AGO2: variants seen among roughly 807,000 people sequenced by gnomAD.
The protein encoded by AGO2 is argonaute RISC catalytic component 2, also known as protein argonaute-2.
A neutral mutation model predicts 102.3 loss-of-function variants in AGO2; 5 were observed. That is an observed-to-expected ratio of 0.05 (90% confidence interval 0.03 to 0.10). AGO2 has a LOEUF of 0.10. Among genes scored for constraint, AGO2 ranks in the 10% least tolerant of loss-of-function variants. AGO2 has a pLI of 1.00. For missense variants in AGO2, 541 were observed against 1,183.7 expected (o/e 0.46, Z 7.97); for synonymous variants, 449 against 473.1 (o/e 0.95, Z 0.66).
Position 140,572,806 on chromosome 8 carries a change from G to A in AGO2, c.336+6C>T. On this transcript the variant is annotated splice_donor_region_variant and intron_variant, in intron 3 of 18. Coordinates refer to ENST00000220592, the MANE Select transcript of AGO2 (RefSeq NM_012154.5). ...TACTCCACCAAGGGCATCCCGGCGA[G>A]CTTACCTTGTCCCTCCCAATCGGAA... The A allele has an allele frequency of 6.2e-7, 1 of 1,608,884 alleles. No homozygotes were observed. The highest frequency in any genetic ancestry group is 8.5e-7 in the Non-Finnish European group (1 of 1,178,370).
the AGO2 span, among the ~76,000 whole-genome samples, chr8:140,640,917 G>A: frequency 6.6e-6 from 1 of 152,192 alleles, no homozygotes; most frequent in Non-Finnish European, 1.5e-5. Flanking sequence ...TCATCCCAAT[G>A]CATCTTCTAC....
chr8:140,535,320 CAGCCTGGGCT>C (rs1438196372), intron 17 of AGO2, 138 bp downstream of exon 17: 1 of 796,472 alleles, frequency 1.3e-6, no homozygotes, highest in East Asian at 2.7e-5. Flanking sequence ...GCGCCTGGCA[CAGCCTGGGCT>C]CCCCGGTTCC....
intron 1 of AGO2, among the ~76,000 whole-genome samples, chr8:140,603,319 GATGAT>G (rs1441541848): frequency 6.6e-6 from 1 of 152,240 alleles, no homozygotes; most frequent in Admixed American, 6.5e-5. Context: ...GCGGAGCTGG[GATGAT>G]AAGTGTGCAA....
chr8:140,541,368 C>G lies in AGO2; in HGVS notation c.1840-10G>C, dbSNP rs1190441880. 1 of 1,594,198 alleles carries G rather than the reference C, an allele frequency of 6.3e-7. No individual in the cohort carries two copies. The highest frequency in any genetic ancestry group is 8.5e-7 in the Non-Finnish European group (1 of 1,172,306). ...CCATGCTGCCCACCACCTGCAGGAACAGGCAGTGAGTGTGGTCAGGGGTTC... is the reference window on the plus strand; with the variant it reads ...CCATGCTGCCCACCACCTGCAGGAAGAGGCAGTGAGTGTGGTCAGGGGTTC... On this transcript the variant is annotated splice_polypyrimidine_tract_variant and intron_variant, in intron 14 of 18. Coordinates refer to ENST00000220592, the MANE Select transcript of AGO2 (RefSeq NM_012154.5).
At chr8:140,599,440 G>A (rs147181690) in intron 1 of AGO2, among the ~76,000 whole-genome samples, 133 of 152,270 alleles carry the variant, frequency 8.7e-4, no homozygotes, top group African/African-American at 3.1e-3. Context: ...TGATGAAGAC[G>A]AAGCCTGCCC....
At position 140,533,914 on chromosome 8, in the gene AGO2, G is replaced by A. The variant is rs540291851; in HGVS notation, c.2272-1299C>T. Among the ~76,000 whole-genome samples, 13 of 152,292 alleles carry A rather than the reference G, an allele frequency of 8.5e-5. No homozygotes were observed. In the East Asian group the frequency reaches 2.5e-3, roughly 29 times the overall value. ...CACCTCCTGCGGTTGGAGATCCTTT[G>A]AAATGAAAGCAGCACCAGCTGCTGA... On this transcript the variant is annotated intron_variant, in intron 17 of 18. Coordinates refer to ENST00000220592, the MANE Select transcript of AGO2 (RefSeq NM_012154.5).
intron 1 of AGO2, among the ~76,000 whole-genome samples, chr8:140,624,221 CTG>C (rs1237608599): frequency 6.6e-6 from 1 of 152,152 alleles, no homozygotes; most frequent in Non-Finnish European, 1.5e-5. Flanking sequence ...TCTGCCCCCT[CTG>C]GAGCCCTGCC....
rs763535557 is a variant in AGO2, at chr8:140,532,653, T to C, written c.2272-38A>G. 16 of 1,581,190 alleles carry C rather than the reference T, an allele frequency of 1.0e-5. No individual in the cohort carries two copies. The African/African-American group carries it at 1.9e-4, about 19-fold the overall frequency. Reference sequence around the variant, plus strand: ...AGAAGATTAGACAGTTGGACTCGCATAAAATCTTTAAAAGGATACTGTGGA... The same window carrying C: ...AGAAGATTAGACAGTTGGACTCGCACAAAATCTTTAAAAGGATACTGTGGA... On this transcript the variant is annotated intron_variant, in intron 17 of 18. Transcript: ENST00000220592.
intron 1 of AGO2, chr8:140,591,853 C>T (rs1329415214): frequency 6.6e-6 from 1 of 151,744 alleles, no homozygotes; most frequent in Non-Finnish European, 1.5e-5. Context: ...GGCACAGTGG[C>T]TCAAGCCTGT....
chr8:140,581,520 A>C (rs2073556920), intron 2 of AGO2, among the ~76,000 whole-genome samples: 1 of 144,960 alleles, frequency 6.9e-6, no homozygotes, highest in African/African-American at 2.5e-5. Context: ...TCCTGTCTCT[A>C]AAAAAAAAAA....
Position 140,539,095 on chromosome 8 carries a change from C to A in AGO2, c.2169+225G>T, listed in dbSNP as rs2072747895. Among the ~76,000 whole-genome samples, 2 of 152,036 alleles carry A rather than the reference C, an allele frequency of 1.3e-5. No homozygotes were observed. The highest frequency in any genetic ancestry group is 6.6e-5 in the Admixed American group (1 of 15,262). On this transcript the variant is annotated intron_variant, in intron 16 of 18. Transcript: ENST00000220592. The surrounding 1 kb of genome is among the most constrained non-coding windows in gnomAD (Gnocchi z 4.7). ...TCTAGCCTGGGTGACAGAGCCAGAC[C>A]CCATCTTAAAACCCTCCAAAACAAC...
chr8:140,587,458 T>G (rs2073676420), intron 1 of AGO2, among the ~76,000 whole-genome samples: 1 of 152,262 alleles, frequency 6.6e-6, no homozygotes, highest in Non-Finnish European at 1.5e-5. Context: ...AGGACGCCTC[T>G]GCAGGCCTTA....
At chr8:140,610,792 A>G (rs2074065820) in intron 1 of AGO2, among the ~76,000 whole-genome samples, 1 of 152,234 alleles carries the variant, frequency 6.6e-6, no homozygotes, top group Non-Finnish European at 1.5e-5. Context: ...TCAAAGCAAC[A>G]GTCCATCCAA....
At chr8:140,592,514 T>C (rs2073759409) in intron 1 of AGO2, 1 of 152,216 alleles carries the variant, frequency 6.6e-6, no homozygotes, top group South Asian at 2.1e-4. Flanking sequence ...AAGAATATCT[T>C]CTTGTTACAC....
At chr8:140,600,263 G>A (rs1426554896) in intron 1 of AGO2, among the ~76,000 whole-genome samples, 2 of 152,252 alleles carry the variant, frequency 1.3e-5, no homozygotes, top group Non-Finnish European at 2.9e-5. Context: ...AAGTCTACTC[G>A]AAAGATGTGT....
chr8:140,569,546 A>G (rs2132967892), intron 3 of AGO2, among the ~76,000 whole-genome samples: 1 of 152,302 alleles, frequency 6.6e-6, no homozygotes, highest in East Asian at 1.9e-4. Context: ...TATTCAACTG[A>G]GCAGAGAAGC....
chr8:140,532,167 G>C lies in AGO2; in HGVS notation c.2472-15C>G, dbSNP rs1295213994. The C allele has an allele frequency of 1.2e-6, 2 of 1,608,482 alleles. No individual in the cohort carries two copies. The highest frequency in any genetic ancestry group is 1.7e-6 in the Non-Finnish European group (2 of 1,175,508). ...TTCCTTCAGCACTGCAGGGATGAGA[G>C]AGAGAGAGAATGAGAATGTGCAGCC... On this transcript the variant is annotated splice_polypyrimidine_tract_variant and intron_variant, in intron 18 of 18. Transcript: ENST00000220592.
At chr8:140,573,088 C>T (rs1331730388) in intron 2 of AGO2, among the ~76,000 whole-genome samples, 156 bp from the exon 3 acceptor site, 1 of 150,962 alleles carries the variant, frequency 6.6e-6, no homozygotes, top group African/African-American at 2.4e-5. Context: ...CAGCTCACTG[C>T]AACCTCTGCC....
intron 1 of AGO2, among the ~76,000 whole-genome samples, chr8:140,635,002 C>A (rs2074387763): frequency 6.6e-6 from 1 of 151,422 alleles, no homozygotes; most frequent in Admixed American, 6.6e-5. Flanking sequence ...GAGCCGGGCG[C>A]CCCGACCCGG....
Sources: gnomAD v4.1 joint callset for allele counts (sites outside exome capture counted in the v4.1 genomes callset) on GRCh38, gnomAD v4.1.1 for gene constraint, Gnocchi (gnomAD v3.1) non-coding constraint, MANE v1.5 for transcripts, NCBI Gene and HGNC (gene_info 2026-07-23, HGNC 2026-07-21) for gene names.